Variants in IL5RA observed in about 807,000 individuals in gnomAD.
The protein encoded by IL5RA is interleukin 5 receptor subunit alpha.
Under a neutral mutation model 50.0 loss-of-function variants are expected in IL5RA, and 49 were observed. That is an observed-to-expected ratio of 0.98 (90% CI 0.78 to 1.24). The LOEUF is 1.24. Ranked by LOEUF, IL5RA falls within the 50% of genes most tolerant of loss-of-function variation. IL5RA has a pLI of 0.00. For missense variants in IL5RA, 600 were observed against 500.4 expected (o/e 1.20, Z -1.90); for synonymous variants, 202 against 174.0 (o/e 1.16, Z -1.26).
At chr3:3,087,252 C>T (rs1327268263) in intron 9 of IL5RA, among the ~76,000 whole-genome samples, 1 of 152,138 alleles carries the variant, frequency 6.6e-6, no homozygotes, top group Non-Finnish European at 1.5e-5. Flanking sequence ...AAATTCCATG[C>T]TCTGGAAATT....
In IL5RA at chr3:3,110,000, C is replaced by T. The variant is rs970137024; in HGVS notation, c.-201G>A. 6.6e-6 allele frequency: 1 copy of T among 152,038 alleles called. No homozygotes were observed. The highest frequency in any genetic ancestry group is 1.5e-5 in the Non-Finnish European group (1 of 68,016). The allele number at this position is 152,038 out of a possible 1,614,324, so 9.4% of individuals were successfully genotyped here. ...CAGCGGCAGGGCATTGAGAACGAAC[C>T]TTATCTCTGGGTGCACTTTTTAACT... On this transcript the variant is annotated 5_prime_UTR_variant, in exon 1 of 12. Transcript: ENST00000446632.
At position 3,089,488 on chromosome 3, in the gene IL5RA, G is replaced by A. The variant is rs141138303; in HGVS notation, c.994+2736C>T. 5.0e-3 allele frequency among the ~76,000 whole-genome samples: 768 copies of A among 152,284 alleles called. 7 individuals carry two copies. Among genetic ancestry groups the A allele is most frequent in the Non-Finnish European group, 5.0e-3 (339 of 68,024 alleles). On this transcript the variant is annotated intron_variant, in intron 9 of 11. Coordinates refer to ENST00000446632, the MANE Select transcript of IL5RA (RefSeq NM_175726.4). Reference sequence around the variant, plus strand: ...CCTGAAGACCTACCCCATAGCTTAAGCGAATGAATTAAATAGTAGAACATT... The same window carrying A: ...CCTGAAGACCTACCCCATAGCTTAAACGAATGAATTAAATAGTAGAACATT...
intron 10 of IL5RA, among the ~76,000 whole-genome samples, chr3:3,075,849 TG>T: frequency 6.6e-6 from 1 of 151,862 alleles, no homozygotes; most frequent in African/African-American, 2.4e-5. Context: ...GTCCACCCGC[TG>T]TGGCCTCCCA....
At chr3:3,098,990 C>G (rs1703500306) in intron 5 of IL5RA, among the ~76,000 whole-genome samples, 1 of 152,164 alleles carries the variant, frequency 6.6e-6, no homozygotes, top group Admixed American at 6.5e-5. Context: ...GTGTTTTCAA[C>G]TGTAAAGGAG....
chr3:3,087,855 T>C (rs1367785404), intron 9 of IL5RA, among the ~76,000 whole-genome samples: 2 of 152,212 alleles, frequency 1.3e-5, no homozygotes, highest in African/African-American at 2.4e-5. Context: ...ATGCAAAATG[T>C]CCCAGAGGGG....
At chr3:3,079,996 C>T (rs1702613178) in intron 9 of IL5RA, among the ~76,000 whole-genome samples, 3 of 151,940 alleles carry the variant, frequency 2.0e-5, no homozygotes. Flanking sequence ...CACGCAACTG[C>T]ACTCCAGCCT....
Position 3,068,165 on chromosome 3 carries a change from T to TC in IL5RA, c.*2059dup. The stretch of plus-strand genomic sequence containing the variant: ...GAGAACTTGTTAGAAACGCAGCTTT[T>TC]CAGACCTCACCCAGACCTATTCAGT... On this transcript the variant is annotated 3_prime_UTR_variant, in exon 12 of 12. Coordinates refer to ENST00000446632, the MANE Select transcript of IL5RA (RefSeq NM_175726.4). 1 of 152,414 alleles carries TC rather than the reference T, an allele frequency of 6.6e-6. No homozygotes were observed. The highest frequency in any genetic ancestry group is 6.5e-5 in the Admixed American group (1 of 15,286). 9.4% of individuals were successfully genotyped at this position (152,414 alleles called of 1,614,324 possible). A position where few individuals can be genotyped will look rare whatever the true frequency, so the allele number is the denominator to read the frequency against.
chr3:3,073,725 A>C (rs897766024), intron 11 of IL5RA: 1 of 433,094 alleles, frequency 2.3e-6, no homozygotes, highest in African/African-American at 2.1e-5. Flanking sequence ...CTTTTCCCCA[A>C]ATTAACTGAC....
At position 3,067,104 on chromosome 3, in the gene IL5RA, A is replaced by G. The variant is rs1702155179; in HGVS notation, c.*3121T>C. 6.6e-6 allele frequency: 1 copy of G among 152,226 alleles called. No homozygotes were observed. Among genetic ancestry groups the G allele is most frequent in the Admixed American group, 6.5e-5 (1 of 15,276 alleles). The allele number at this position is 152,226 out of a possible 1,614,324, so 9.4% of individuals were successfully genotyped here. ...ATTTCAAACTCTTTGACTTGCTATG[A>G]CAAGGCTGGTGAGAACAGTATAGAC... On this transcript the variant is annotated 3_prime_UTR_variant, in exon 12 of 12. Transcript: ENST00000446632.
At chr3:3,089,713 C>G (rs901311944) in intron 9 of IL5RA, among the ~76,000 whole-genome samples, 1 of 151,876 alleles carries the variant, frequency 6.6e-6, no homozygotes, top group Non-Finnish European at 1.5e-5. Flanking sequence ...ACTGCAACCT[C>G]TGCCTCCTGG....
intron 8 of IL5RA, among the ~76,000 whole-genome samples, chr3:3,093,126 A>G (rs1703203735): frequency 6.6e-6 from 1 of 152,226 alleles, no homozygotes; most frequent in Non-Finnish European, 1.5e-5. Context: ...TTTTTAAAAA[A>G]GAAGCCACTT....
chr3:3,095,907 A>AT (rs766854734), intron 7 of IL5RA, among the ~76,000 whole-genome samples: 8 of 151,862 alleles, frequency 5.3e-5, no homozygotes, highest in Non-Finnish European at 1.0e-4. Context: ...TTTTAATTTC[A>AT]TTTTGTTTAC....
At chr3:3,072,986 G>A (rs939857450) in intron 11 of IL5RA, among the ~76,000 whole-genome samples, 1 of 152,144 alleles carries the variant, frequency 6.6e-6, no homozygotes, top group Non-Finnish European at 1.5e-5. Flanking sequence ...CACACATCCA[G>A]AACAGGCACC....
At chr3:3,084,716 C>T (rs1205525245) in intron 9 of IL5RA, among the ~76,000 whole-genome samples, 3 of 152,348 alleles carry the variant, frequency 2.0e-5, no homozygotes, top group South Asian at 2.1e-4. Flanking sequence ...TGGAGCCAAT[C>T]CTCTAGCTGT....
intron 3 of IL5RA, 52 bp downstream of exon 3, chr3:3,104,851 A>C (rs1377198336): frequency 9.1e-7 from 1 of 1,098,250 alleles, no homozygotes; most frequent in African/African-American, 1.6e-5. Context: ...TTATCCTTTT[A>C]CTAACATATT....
Position 3,101,633 on chromosome 3 carries a change from C to A in IL5RA, c.367+59G>T. On this transcript the variant is annotated intron_variant, in intron 5 of 11. Transcript: ENST00000446632. Reference sequence around the variant, plus strand: ...AAGTGGGTTAGTGTTAATTTTTCTACTTTTCCATATTTGCAAAGTCCAAAA... The same window carrying A: ...AAGTGGGTTAGTGTTAATTTTTCTAATTTTCCATATTTGCAAAGTCCAAAA... 5 of 1,567,142 alleles carry A rather than the reference C, an allele frequency of 3.2e-6. No individual in the cohort carries two copies. In the East Asian group the frequency reaches 9.1e-5, roughly 28 times the overall value.
At chr3:3,095,212 A>T in intron 8 of IL5RA, 87 bp downstream of exon 8, 2 of 982,662 alleles carry the variant, frequency 2.0e-6, no homozygotes, top group Non-Finnish European at 3.1e-6. Context: ...CCAAGCTGTA[A>T]CTTGGTTGCA....
chr3:3,093,484 G>A (rs9839576), intron 8 of IL5RA, among the ~76,000 whole-genome samples: 58,920 of 152,108 alleles, frequency 0.39, 11,548 homozygotes, highest in South Asian at 0.56. Flanking sequence ...TTTTCTAGCA[G>A]ATCATTTTTA....
chr3:3,074,987 T>C (rs1702428148), intron 10 of IL5RA, 121 bp from the exon 11 acceptor site: 3 of 657,666 alleles, frequency 4.6e-6, no homozygotes, highest in Non-Finnish European at 2.7e-6. Context: ...TCAAAATCTT[T>C]ACGTACCAAG....
Sources: allele counts gnomAD v4.1 joint callset (sites outside exome capture counted in the v4.1 genomes callset), GRCh38; gene constraint gnomAD v4.1.1; transcripts MANE v1.5; gene names NCBI Gene and HGNC (gene_info 2026-07-23, HGNC 2026-07-21).